The following MRTFA variants were observed in gnomAD, a reference collection of about 807,000 sequenced individuals.
MRTFA encodes myocardin related transcription factor A.
In MRTFA, 20 loss-of-function variants were observed where a neutral mutation model predicts 83.5. That is an observed-to-expected ratio of 0.24 (90% confidence interval 0.17 to 0.35). The LOEUF (loss-of-function observed/expected upper bound fraction) is 0.35, where lower values mean the gene tolerates loss of function less well. Among genes scored for constraint, MRTFA ranks in the 10% least tolerant of loss-of-function variants. The pLI is 1.00. For missense variants in MRTFA, 1,200 were observed against 1,224.7 expected (o/e 0.98, Z 0.30); for synonymous variants, 659 against 541.2 (o/e 1.22, Z -3.02).
At position 40,418,759 on chromosome 22, in the gene MRTFA, C is replaced by T. The variant is rs374264128; in HGVS notation, c.1979G>A (p.Arg660Gln). 34 of 1,534,698 alleles carry T rather than the reference C, an allele frequency of 2.2e-5. No individual in the cohort carries two copies. The highest frequency in any genetic ancestry group is 2.2e-4 in the Middle Eastern group (1 of 4,602). The change falls in exon 12 of 15, where the codon CGA becomes CAA. Residue 660 changes from arginine to glutamine, a missense_variant. Physicochemically the swap from Arg to Gln is conservative, Grantham distance 43. Transcript: ENST00000355630. ...GGGGGCGGGGGCGGGCTGCTGGGCTCGCTTCTCCTGCTCCAGCTGCAGCTT... is the reference window on the plus strand; with the variant it reads ...GGGGGCGGGGGCGGGCTGCTGGGCTTGCTTCTCCTGCTCCAGCTGCAGCTT...
intron 4 of MRTFA, among the ~76,000 whole-genome samples, chr22:40,435,936 CAA>C (rs201938817): frequency 6.8e-4 from 73 of 106,640 alleles, no homozygotes; most frequent in Admixed American, 6.9e-4. Context: ...AACCGTCCCC[CAA>C]AAAAAAAAAA....
chr22:40,550,147 A>G (rs867527938), intron 3 of MRTFA, among the ~76,000 whole-genome samples: 13 of 151,582 alleles, frequency 8.6e-5, no homozygotes, highest in Middle Eastern at 6.8e-3. Context: ...AATCTAAGAG[A>G]TGGGCACGCA....
chr22:40,583,249 A>G (rs1438612346), intron 2 of MRTFA, among the ~76,000 whole-genome samples: 1 of 152,206 alleles, frequency 6.6e-6, no homozygotes, highest in Non-Finnish European at 1.5e-5. Context: ...TATTTAGTGA[A>G]AAACAAAATG....
intron 1 of MRTFA, among the ~76,000 whole-genome samples, chr22:40,598,816 G>T (rs544503853): frequency 1.3e-4 from 20 of 148,302 alleles, no homozygotes; most frequent in African/African-American, 5.0e-4. Context: ...GAGAAATTCC[G>T]TCGCTACTTT....
chr22:40,454,617 A>G (rs2053550943), intron 4 of MRTFA, among the ~76,000 whole-genome samples: 1 of 152,210 alleles, frequency 6.6e-6, no homozygotes, highest in Admixed American at 6.5e-5. Flanking sequence ...CTCTGTGGGT[A>G]AGTTATCACT....
intron 3 of MRTFA, among the ~76,000 whole-genome samples, chr22:40,551,236 CT>C (rs1030864891): frequency 6.6e-6 from 1 of 151,872 alleles, no homozygotes; most frequent in Non-Finnish European, 1.5e-5. Context: ...TTAAACAGTA[CT>C]TAACACAGTT....
At chr22:40,563,503 G>GAAAAAA (rs55787923) in intron 2 of MRTFA, among the ~76,000 whole-genome samples, 4 of 89,916 alleles carry the variant, frequency 4.4e-5, no homozygotes, top group East Asian at 2.9e-4. Context: ...CACAGATACA[G>GAAAAAA]AAAAAAAAAA....
rs562474009 is a variant in MRTFA at position 40,417,176 on chromosome 22, C to T, written c.2518-130G>A. ...GATCCACAGGACCCATGGGCGTGCC[C>T]GGACTCCTGGAGCCCGTCCCCTAAC... On this transcript the variant is annotated intron_variant, in intron 13 of 14. Transcript: ENST00000355630. 2,848 of 1,362,700 alleles carry T rather than the reference C, an allele frequency of 2.1e-3. 7 individuals are homozygous for T. Among genetic ancestry groups the T allele is most frequent in the Non-Finnish European group, 2.6e-3 (2,590 of 997,086 alleles). The allele number at this position is 1,362,700 out of a possible 1,614,324, so 84.4% of individuals were successfully genotyped here. A position where few individuals can be genotyped will look rare whatever the true frequency, so the allele number is the denominator to read the frequency against.
Position 40,416,325 on chromosome 22 carries a change from C to T in MRTFA, c.2578+661G>A, listed in dbSNP as rs1034847914. ...CCTGCTGGGCCAAAGCCCAGCTCTC[C>T]AGTCGCCCCCCAACCTGGGGCTCCC... is the stretch of plus-strand genomic sequence containing the variant. On this transcript the variant is annotated intron_variant, in intron 14 of 14. Transcript: ENST00000355630. The surrounding 1 kb of genome is among the most constrained non-coding windows in gnomAD (Gnocchi z 4.2). Among the ~76,000 whole-genome samples the T allele has an allele frequency of 2.0e-5, 3 of 152,252 alleles. No individual in the cohort carries two copies. The highest frequency in any genetic ancestry group is 4.4e-5 in the Non-Finnish European group (3 of 68,042).
At chr22:40,526,979 T>C (rs935009437) in intron 3 of MRTFA, among the ~76,000 whole-genome samples, 6 of 151,254 alleles carry the variant, frequency 4.0e-5, no homozygotes, top group Non-Finnish European at 7.4e-5. Context: ...AGAAAAAAAA[T>C]ACTGGGGTGC....
chr22:40,456,959 T>C (rs1257687425), intron 4 of MRTFA, among the ~76,000 whole-genome samples: 1 of 152,236 alleles, frequency 6.6e-6, no homozygotes, highest in African/African-American at 2.4e-5. Context: ...TTTACCAAAA[T>C]GTATTTGATT....
At chr22:40,629,772 T>C (rs1378454921) in intron 1 of MRTFA, among the ~76,000 whole-genome samples, 3 of 104,360 alleles carry the variant, frequency 2.9e-5, no homozygotes, top group Non-Finnish European at 5.4e-5. Flanking sequence ...CAAGATTCCA[T>C]CTCAAAAAAA....
intron 3 of MRTFA, among the ~76,000 whole-genome samples, chr22:40,539,882 G>A (rs922454993): frequency 1.5e-4 from 23 of 150,732 alleles, no homozygotes; most frequent in Non-Finnish European, 3.1e-4. Flanking sequence ...TTAAACAATC[G>A]GTGTTCAAAT....
chr22:40,470,496 T>C (rs1257021017), intron 3 of MRTFA, among the ~76,000 whole-genome samples: 1 of 151,010 alleles, frequency 6.6e-6, no homozygotes, highest in Non-Finnish European at 1.5e-5. Flanking sequence ...CAGCCTACAC[T>C]GGAAAAGAAG....
intron 2 of MRTFA, among the ~76,000 whole-genome samples, chr22:40,556,517 A>G (rs1235635853): frequency 6.6e-6 from 1 of 152,220 alleles, no homozygotes; most frequent in African/African-American, 2.4e-5. Flanking sequence ...GATATAAGGG[A>G]GACAAGTTCA....
intron 1 of MRTFA, among the ~76,000 whole-genome samples, chr22:40,613,333 A>G (rs1190490546): frequency 1.3e-5 from 2 of 152,088 alleles, no homozygotes; most frequent in African/African-American, 4.8e-5. Flanking sequence ...GTATGTTTTC[A>G]TTTCTCTTGG....
intron 2 of MRTFA, among the ~76,000 whole-genome samples, chr22:40,581,675 T>A (rs1005898484): frequency 3.3e-5 from 5 of 152,166 alleles, no homozygotes; most frequent in Admixed American, 3.3e-4. Flanking sequence ...CTTCTGTGCA[T>A]CCACAGAGTC....
chr22:40,629,171 C>T (rs1036973244), intron 1 of MRTFA, among the ~76,000 whole-genome samples: 1 of 151,902 alleles, frequency 6.6e-6, no homozygotes, highest in Non-Finnish European at 1.5e-5. Flanking sequence ...AGGCTGGGCG[C>T]GGTGGCTCAC....
At chr22:40,469,692 C>T (rs2053867237) in intron 3 of MRTFA, among the ~76,000 whole-genome samples, 1 of 152,036 alleles carries the variant, frequency 6.6e-6, no homozygotes, top group South Asian at 2.1e-4. Context: ...TGGAACACTC[C>T]CCAGGTCACA....
Sources: allele counts gnomAD v4.1 joint callset (sites outside exome capture counted in the v4.1 genomes callset), GRCh38; gene constraint gnomAD v4.1.1; non-coding constraint Gnocchi (gnomAD v3.1); transcripts MANE v1.5; gene names NCBI Gene and HGNC (gene_info 2026-07-23, HGNC 2026-07-21).